RANBP17: variants seen among roughly 807,000 people sequenced by gnomAD.
RANBP17 encodes the protein ran-binding protein 17.
RANBP17 carries 158 observed loss-of-function variants against 141.2 expected under a neutral mutation model. The ratio of observed to expected loss-of-function variants is 1.12; its 90% CI spans 0.98 to 1.28. The LOEUF (loss-of-function observed/expected upper bound fraction) is 1.28, where lower values mean the gene tolerates loss of function less well. Ranked by LOEUF, RANBP17 falls within the 50% of genes most tolerant of loss-of-function variation. The probability of loss-of-function intolerance (pLI) is 0.00; values close to 1 mark genes in which losing one functional copy is unlikely to be tolerated. For synonymous variants in RANBP17, 430 were observed against 450.0 expected (o/e 0.96, Z 0.56); for missense variants, 1,438 against 1,290.7 (o/e 1.11, Z -1.75).
intron 24 of RANBP17, chr5:171,253,003 A>C: frequency 8.4e-7 from 1 of 1,186,234 alleles, no homozygotes; most frequent in Non-Finnish European, 1.3e-6. Flanking sequence ...AACCGTGATG[A>C]AGAGATACTT....
chr5:171,088,332 G>A (rs1014063722), intron 14 of RANBP17, among the ~76,000 whole-genome samples: 2 of 152,080 alleles, frequency 1.3e-5, no homozygotes, highest in East Asian at 1.9e-4. Flanking sequence ...AGAGAGATTC[G>A]CTGTTGGTTT....
intron 25 of RANBP17, among the ~76,000 whole-genome samples, chr5:171,281,679 C>G (rs1767871649): frequency 6.6e-6 from 1 of 152,182 alleles, no homozygotes; most frequent in Non-Finnish European, 1.5e-5. Flanking sequence ...AAGTCCCTAG[C>G]ACAGTACCAG....
At chr5:170,982,672 A>T (rs1777856334) in intron 14 of RANBP17, among the ~76,000 whole-genome samples, 1 of 152,182 alleles carries the variant, frequency 6.6e-6, no homozygotes, top group Admixed American at 6.5e-5. Context: ...TAAGAGAAAA[A>T]GAAAGAATAC....
At chr5:171,030,732 T>C (rs988252598) in intron 14 of RANBP17, among the ~76,000 whole-genome samples, 34 of 152,040 alleles carry the variant, frequency 2.2e-4, no homozygotes, top group African/African-American at 8.2e-4. Context: ...GAATCTGTAT[T>C]GTAATGAACT....
At chr5:171,064,479 A>G (rs1010749792) in intron 14 of RANBP17, among the ~76,000 whole-genome samples, 1 of 152,096 alleles carries the variant, frequency 6.6e-6, no homozygotes, top group Admixed American at 6.5e-5. Flanking sequence ...TGTTTATTCA[A>G]ATCTTTGCCC....
intron 14 of RANBP17, among the ~76,000 whole-genome samples, chr5:171,134,101 G>T (rs1016562308): frequency 6.6e-6 from 1 of 152,158 alleles, no homozygotes; most frequent in Non-Finnish European, 1.5e-5. Context: ...GGAATATGCT[G>T]TTTTTAATGG....
At chr5:171,051,739 C>A (rs970469569) in intron 14 of RANBP17, among the ~76,000 whole-genome samples, 5 of 152,044 alleles carry the variant, frequency 3.3e-5, no homozygotes, top group African/African-American at 1.2e-4. Context: ...ATTTTCATTT[C>A]TCTTGGGTAT....
intron 12 of RANBP17, among the ~76,000 whole-genome samples, chr5:170,930,555 C>G (rs1446266130): frequency 6.6e-6 from 1 of 151,996 alleles, no homozygotes; most frequent in Non-Finnish European, 1.5e-5. Context: ...TGCTATCCCT[C>G]CCCGCTCCCC....
rs772921344 is a variant in RANBP17, at chr5:170,914,154, T to A, written c.761-13T>A. On this transcript the variant is annotated splice_polypyrimidine_tract_variant and intron_variant, in intron 7 of 27. Coordinates refer to ENST00000523189, the MANE Select transcript of RANBP17 (RefSeq NM_022897.5). The stretch of plus-strand genomic sequence containing the variant: ...TGAAAGTAATGGTGTTAGAAAATAA[T>A]TTTTTTTCCCAGTTTTCCTGGAACC... 1 of 1,553,806 alleles carries A rather than the reference T, an allele frequency of 6.4e-7. No individual in the cohort carries two copies. Among genetic ancestry groups the A allele is most frequent in the South Asian group, 1.1e-5 (1 of 89,464 alleles).
At chr5:171,282,002 A>G (rs898982822) in intron 25 of RANBP17, among the ~76,000 whole-genome samples, 7 of 152,184 alleles carry the variant, frequency 4.6e-5, no homozygotes, top group Non-Finnish European at 8.8e-5. Flanking sequence ...AATCTGGAGG[A>G]AAGAAACTCA....
intron 14 of RANBP17, among the ~76,000 whole-genome samples, chr5:171,098,462 T>G (rs1315104109): frequency 6.6e-6 from 1 of 152,214 alleles, no homozygotes; most frequent in Non-Finnish European, 1.5e-5. Context: ...TTCATATCCT[T>G]TGCCCATTTT....
At chr5:171,044,135 G>A (rs964630998) in intron 14 of RANBP17, among the ~76,000 whole-genome samples, 2 of 151,990 alleles carry the variant, frequency 1.3e-5, no homozygotes, top group African/African-American at 2.4e-5. Flanking sequence ...TCTCCTAAAC[G>A]TGTAGAAAGG....
chr5:171,172,871 T>C (rs1191208403), intron 16 of RANBP17, among the ~76,000 whole-genome samples: 1 of 151,900 alleles, frequency 6.6e-6, no homozygotes, highest in Non-Finnish European at 1.5e-5. Flanking sequence ...TCAAATATTA[T>C]AGCCTTTTAT....
At chr5:171,283,135 C>T (rs777236238) in intron 25 of RANBP17, among the ~76,000 whole-genome samples, 4 of 152,210 alleles carry the variant, frequency 2.6e-5, no homozygotes, top group Non-Finnish European at 5.9e-5. Flanking sequence ...CCATCCCTGG[C>T]TGCTTCCAGC....
At chr5:170,921,884 G>A (rs1581151732) in intron 11 of RANBP17, among the ~76,000 whole-genome samples, 1 of 152,172 alleles carries the variant, frequency 6.6e-6, no homozygotes, top group African/African-American at 2.4e-5. Flanking sequence ...AGGGGCTGCA[G>A]TCCTTTGGAG....
intron 14 of RANBP17, among the ~76,000 whole-genome samples, chr5:171,129,690 A>G (rs1756761392): frequency 6.6e-6 from 1 of 152,228 alleles, no homozygotes; most frequent in African/African-American, 2.4e-5. Context: ...ATAAATTAGT[A>G]TGAAATTTAT....
intron 14 of RANBP17, among the ~76,000 whole-genome samples, chr5:171,137,572 ATGTGTGTGTGTGTGTG>A (rs140713117): frequency 7.1e-6 from 1 of 141,108 alleles, no homozygotes; most frequent in South Asian, 2.4e-4. Context: ...TTGACTTGAG[ATGTGTGTGTGTGTGTG>A]TGTGTGTGTG....
intron 4 of RANBP17, among the ~76,000 whole-genome samples, chr5:170,895,343 C>T (rs1222898333): frequency 6.6e-6 from 1 of 151,998 alleles, no homozygotes; most frequent in African/African-American, 2.4e-5. Context: ...TTTCATAATT[C>T]CAGTATGATT....
intron 14 of RANBP17, among the ~76,000 whole-genome samples, chr5:171,100,419 T>C (rs1181536124): frequency 6.6e-6 from 1 of 152,218 alleles, no homozygotes; most frequent in Non-Finnish European, 1.5e-5. Context: ...TGATGGTTGA[T>C]TGTATTTCTG....
Sources: gnomAD v4.1 joint callset for allele counts (sites outside exome capture counted in the v4.1 genomes callset) on GRCh38, gnomAD v4.1.1 for gene constraint, MANE v1.5 for transcripts, NCBI Gene and HGNC (gene_info 2026-07-23, HGNC 2026-07-21) for gene names.